The following PTGER3 variants were observed in gnomAD, a reference collection of about 807,000 sequenced individuals.
PTGER3 encodes prostaglandin E receptor 3.
Under a neutral mutation model 34.7 loss-of-function variants are expected in PTGER3, and 22 were observed. The observed-to-expected ratio is 0.63, with a 90% CI of 0.45 to 0.91. The LOEUF (loss-of-function observed/expected upper bound fraction) is 0.91. PTGER3 is among the 40% of genes least tolerant of loss of function. The pLI is 0.00. For missense variants in PTGER3, 468 were observed against 519.4 expected, an observed-to-expected ratio of 0.90 and a Z score of 0.96; for synonymous variants, 241 against 230.1, an observed-to-expected ratio of 1.05 and a Z score of -0.43.
intron 2 of PTGER3, among the ~76,000 whole-genome samples, chr1:70,976,430 A>C (rs1407108304): frequency 1.3e-5 from 2 of 152,108 alleles, no homozygotes; most frequent in Non-Finnish European, 2.9e-5. Context: ...GAGGCTATGC[A>C]TATGTGGGGC....
rs1231548664 is a variant in PTGER3, at chr1:71,033,311, C to T, written c.897+13370G>A. 5.9e-5 allele frequency among the ~76,000 whole-genome samples: 9 copies of T among 152,202 alleles called. No individual in the cohort carries two copies. In the East Asian group the frequency reaches 1.7e-3, roughly 29 times the overall value. On this transcript the variant is annotated intron_variant, in intron 1 of 3. Coordinates refer to ENST00000306666, the MANE Select transcript of PTGER3 (RefSeq NM_198719.2). ...CAATATGGGTACTTCACTCCAATCC[C>T]AGTTGTCACCGCCTCTTACCTGGAT...
intron 4 of PTGER3, among the ~76,000 whole-genome samples, chr1:70,917,776 A>C (rs12023686): frequency 0.14 from 21,290 of 151,774 alleles, 1,917 homozygotes; most frequent in East Asian, 0.43. Flanking sequence ...ATTGTAGTTT[A>C]ATTTGCAATT....
At chr1:70,973,969 A>G (rs1158167215) in intron 3 of PTGER3, among the ~76,000 whole-genome samples, 5 of 152,144 alleles carry the variant, frequency 3.3e-5, no homozygotes, top group Non-Finnish European at 7.3e-5. Flanking sequence ...ATACCTAATT[A>G]AAATAGGAGT....
At chr1:70,877,499 G>A (rs763188147) in intron 4 of PTGER3, among the ~76,000 whole-genome samples, 1 of 152,118 alleles carries the variant, frequency 6.6e-6, no homozygotes, top group Non-Finnish European at 1.5e-5. Flanking sequence ...TCTTAAATAG[G>A]GGTGGTGAGA....
intron 2 of PTGER3, chr1:71,009,687 C>T: frequency 7.1e-6 from 7 of 985,010 alleles, no homozygotes; most frequent in Non-Finnish European, 8.4e-6. Flanking sequence ...GTTTTCTTGG[C>T]CTTTAATTGT....
downstream of PTGER3, among the ~76,000 whole-genome samples, chr1:70,951,793 C>T (rs1258443463): frequency 6.6e-6 from 1 of 152,092 alleles, no homozygotes; most frequent in Non-Finnish European, 1.5e-5. Context: ...CCTTGGGAAA[C>T]TCATATTCTA....
chr1:70,891,066 C>A (rs773456578), intron 4 of PTGER3, among the ~76,000 whole-genome samples: 56 of 152,156 alleles, frequency 3.7e-4, no homozygotes, highest in Admixed American at 1.1e-3. Flanking sequence ...GCTGGGTTTT[C>A]CTAAATCACT....
intron 2 of PTGER3, chr1:71,010,314 A>G (rs573183417): frequency 5.4e-4 from 534 of 984,690 alleles, no homozygotes; most frequent in Non-Finnish European, 6.1e-4. Context: ...AATAATCAGA[A>G]ATAATTCACT....
At chr1:70,947,146 A>G (rs1002385963) in intron 4 of PTGER3, among the ~76,000 whole-genome samples, 7 of 152,148 alleles carry the variant, frequency 4.6e-5, no homozygotes, top group African/African-American at 1.7e-4. Flanking sequence ...GTTAAAATTA[A>G]ACATGGTAAC....
chr1:70,921,412 G>T (rs923611503), intron 4 of PTGER3, among the ~76,000 whole-genome samples: 2 of 152,078 alleles, frequency 1.3e-5, no homozygotes, highest in Non-Finnish European at 2.9e-5. Flanking sequence ...CCTGTCGAAT[G>T]AATGGTAAAA....
chr1:70,920,680 A>C (rs1385143537), intron 4 of PTGER3, among the ~76,000 whole-genome samples: 1 of 152,200 alleles, frequency 6.6e-6, no homozygotes, highest in Non-Finnish European at 1.5e-5. Flanking sequence ...TTTCAACAAC[A>C]CTAGTCAAGA....
intron 4 of PTGER3, among the ~76,000 whole-genome samples, chr1:70,885,265 T>G (rs1391698578): frequency 6.6e-6 from 1 of 152,190 alleles, no homozygotes; most frequent in East Asian, 1.9e-4. Flanking sequence ...TATTCTAACA[T>G]CATTACTCAC....
intron 4 of PTGER3, among the ~76,000 whole-genome samples, chr1:70,858,689 GAC>G (rs1236131960): frequency 6.6e-6 from 1 of 152,102 alleles, no homozygotes; most frequent in Non-Finnish European, 1.5e-5. Context: ...AGATGAAAAT[GAC>G]ATAAAACATT....
intron 1 of PTGER3, 117 bp from the exon 2 acceptor site, chr1:71,012,601 T>A: frequency 1.2e-6 from 1 of 823,400 alleles, no homozygotes; most frequent in Non-Finnish European, 1.9e-6. Context: ...TTGAAATGAT[T>A]AATTCAAGCA....
At chr1:70,897,025 G>A (rs946339788) in intron 4 of PTGER3, among the ~76,000 whole-genome samples, 5 of 152,132 alleles carry the variant, frequency 3.3e-5, no homozygotes, top group African/African-American at 4.8e-5. Flanking sequence ...CCATGGATCC[G>A]ATGAGGAACG....
intron 4 of PTGER3, among the ~76,000 whole-genome samples, chr1:70,918,268 A>T (rs1353108850): frequency 1.3e-5 from 2 of 152,114 alleles, no homozygotes; most frequent in South Asian, 4.1e-4. Context: ...TTAAATACTT[A>T]AATGTAAAAT....
chr1:71,009,224 C>T (rs2100844864), intron 2 of PTGER3: 5 of 985,236 alleles, frequency 5.1e-6, no homozygotes, highest in Non-Finnish European at 6.0e-6. Context: ...TTGTCTGTCA[C>T]TCAATGCCAA....
At chr1:71,023,801 C>T (rs180816449) in intron 1 of PTGER3, among the ~76,000 whole-genome samples, 6 of 151,616 alleles carry the variant, frequency 4.0e-5, no homozygotes, top group Non-Finnish European at 5.9e-5. Context: ...CAATCAATCA[C>T]GGAGTCTCCA....
chr1:70,916,198 C>A (rs994734919), intron 4 of PTGER3, among the ~76,000 whole-genome samples: 3 of 152,008 alleles, frequency 2.0e-5, no homozygotes, highest in African/African-American at 7.2e-5. Context: ...AATCTCACAC[C>A]AGTCAGAATG....
Sources: allele counts gnomAD v4.1 joint callset (sites outside exome capture counted in the v4.1 genomes callset), GRCh38; gene constraint gnomAD v4.1.1; transcripts MANE v1.5; gene names NCBI Gene and HGNC (gene_info 2026-07-23, HGNC 2026-07-21).